Variants in RUFY3 observed in about 807,000 individuals in gnomAD.
RUFY3 encodes RUN and FYVE domain containing 3.
In RUFY3, 34 loss-of-function variants were observed where a neutral mutation model predicts 84.0. That is an observed-to-expected ratio of 0.40 (90% confidence interval 0.31 to 0.54). The LOEUF is 0.54. Among genes scored for constraint, RUFY3 ranks in the 20% least tolerant of loss-of-function variants. RUFY3 has a pLI of 0.39. For missense variants in RUFY3, 507 were observed against 736.8 expected, an observed-to-expected ratio of 0.69 and a Z score of 3.61; for synonymous variants, 242 against 252.9, an observed-to-expected ratio of 0.96 and a Z score of 0.41.
chr4:70,784,571 C>T (rs1325454053), intron 9 of RUFY3, among the ~76,000 whole-genome samples: 1 of 151,968 alleles, frequency 6.6e-6, no homozygotes, highest in East Asian at 1.9e-4. Flanking sequence ...AAAACTTCTA[C>T]CATCTGGTTT....
chr4:70,791,691 G>A, intron 12 of RUFY3: 1 of 1,009,186 alleles, frequency 9.9e-7, no homozygotes, highest in Non-Finnish European at 1.2e-6. Flanking sequence ...GTCTGTATCT[G>A]CAAGCCTGTT....
At chr4:70,713,116 C>T (rs145940379) in intron 1 of RUFY3, among the ~76,000 whole-genome samples, 88 of 152,298 alleles carry the variant, frequency 5.8e-4, no homozygotes, top group African/African-American at 2.0e-3. Context: ...CTCTGCTTCC[C>T]GGGTTTAGCT....
At chr4:70,765,322 A>G (rs1458765363) in intron 4 of RUFY3, among the ~76,000 whole-genome samples, 2 of 152,122 alleles carry the variant, frequency 1.3e-5, no homozygotes, top group East Asian at 1.9e-4. Context: ...ATTCCATTGT[A>G]TAAAGGTCAA....
At chr4:70,794,954 C>A (rs955080355) in intron 14 of RUFY3, 60 bp downstream of exon 14, 41 of 1,088,410 alleles carry the variant, frequency 3.8e-5, no homozygotes, top group Non-Finnish European at 5.3e-5. Context: ...TAGAGGCTAC[C>A]TTGATAGTCC....
chr4:70,709,339 A>T (rs1740708299), intron 1 of RUFY3, among the ~76,000 whole-genome samples: 1 of 152,212 alleles, frequency 6.6e-6, no homozygotes, highest in African/African-American at 2.4e-5. Context: ...TAATACATGA[A>T]TCTATGCTCA....
intron 1 of RUFY3, among the ~76,000 whole-genome samples, chr4:70,756,085 A>G (rs1723970312): frequency 6.6e-6 from 1 of 152,162 alleles, no homozygotes; most frequent in African/African-American, 2.4e-5. Context: ...TGTGATCTGC[A>G]CCATCGTCCA....
At chr4:70,749,701 G>A (rs1222332601) in intron 1 of RUFY3, among the ~76,000 whole-genome samples, 1 of 150,484 alleles carries the variant, frequency 6.6e-6, no homozygotes, top group East Asian at 1.9e-4. Flanking sequence ...TGTTGCCCAG[G>A]CTAGAAGGTG....
At chr4:70,763,479 ATGTG>A (rs1345744327) in intron 2 of RUFY3, 69 bp from the exon 3 acceptor site, 2 of 1,073,002 alleles carry the variant, frequency 1.9e-6, no homozygotes, top group Admixed American at 4.3e-5. Context: ...TTGTGTGTGT[ATGTG>A]TGTGTGTATT....
intron 1 of RUFY3, among the ~76,000 whole-genome samples, chr4:70,712,601 G>A (rs189411655): frequency 1.5e-3 from 231 of 152,244 alleles, no homozygotes; most frequent in African/African-American, 5.2e-3. Context: ...TAAGAGGTAG[G>A]ATTTTATCAA....
chr4:70,745,311 A>G (rs916763267), intron 1 of RUFY3, among the ~76,000 whole-genome samples: 11 of 152,210 alleles, frequency 7.2e-5, no homozygotes, highest in African/African-American at 2.4e-4. Context: ...CTACTAGAAT[A>G]TGAAGTGTCT....
At chr4:70,753,044 A>G (rs1433743907) in intron 1 of RUFY3, among the ~76,000 whole-genome samples, 2 of 151,848 alleles carry the variant, frequency 1.3e-5, no homozygotes, top group African/African-American at 4.8e-5. Flanking sequence ...TCTGTATGCT[A>G]TTTTTTTATT....
At chr4:70,734,692 C>T (rs146080385) in intron 1 of RUFY3, 24 of 366,226 alleles carry the variant, frequency 6.6e-5, no homozygotes, top group African/African-American at 5.1e-4. Context: ...CCTATCTAAA[C>T]CACGAAAGAG....
intron 2 of RUFY3, 54 bp downstream of exon 2, chr4:70,762,746 A>G: frequency 6.9e-7 from 1 of 1,451,396 alleles, no homozygotes; most frequent in Non-Finnish European, 9.6e-7. Context: ...CTAGCAATGC[A>G]TACTATAGAA....
At chr4:70,804,481 C>G in intron 17 of RUFY3, 65 bp downstream of exon 17, 1 of 1,378,762 alleles carries the variant, frequency 7.3e-7, no homozygotes, top group South Asian at 1.2e-5. Flanking sequence ...CAGTCCCTCC[C>G]CAGGAGTAAC....
At chr4:70,741,489 C>G (rs921808403) in intron 1 of RUFY3, 1 of 574,590 alleles carries the variant, frequency 1.7e-6, no homozygotes, top group African/African-American at 1.9e-5. Flanking sequence ...CACTGTTAAT[C>G]GCTGTGATAA....
intron 1 of RUFY3, among the ~76,000 whole-genome samples, chr4:70,739,080 C>CT (rs111822896): frequency 0.04 from 5,549 of 137,374 alleles, 152 homozygotes; most frequent in African/African-American, 0.075. Flanking sequence ...GGCTATTTGT[C>CT]TTTTTTTTTT....
chr4:70,772,956 C>T (rs143765784), intron 5 of RUFY3, among the ~76,000 whole-genome samples: 1,747 of 152,198 alleles, frequency 0.011, 31 homozygotes, highest in African/African-American at 0.04. Context: ...CCACTGCGCC[C>T]GGCCTTTGGT....
rs1220239442 is a variant in RUFY3 at position 70,755,577 on chromosome 4, ACT to A, written c.179-6939_179-6938del. ...CACTATTAACTAAATGAGCTACATG[ACT>A]CTGTAAAGTTTATTAAAATACCCTT... On this transcript the variant is annotated intron_variant, in intron 1 of 17. Coordinates refer to ENST00000381006, the MANE Select transcript of RUFY3 (RefSeq NM_001037442.4). 2.0e-5 allele frequency among the ~76,000 whole-genome samples: 3 copies of A among 152,176 alleles called. No homozygotes were observed. The East Asian group carries it at 5.8e-4, about 29-fold the overall frequency.
intron 1 of RUFY3, among the ~76,000 whole-genome samples, chr4:70,711,817 C>G (rs199856282): frequency 6.6e-6 from 1 of 152,190 alleles, no homozygotes; most frequent in Non-Finnish European, 1.5e-5. Flanking sequence ...TCCTTCCTCA[C>G]GACTAAACAC....
Sources: gnomAD v4.1 joint callset for allele counts (sites outside exome capture counted in the v4.1 genomes callset) on GRCh38, gnomAD v4.1.1 for gene constraint, MANE v1.5 for transcripts, NCBI Gene and HGNC (gene_info 2026-07-23, HGNC 2026-07-21) for gene names.